Variants in GSG1L observed in about 807,000 individuals in gnomAD.
GSG1L encodes germ cell-specific gene 1-like protein.
A neutral mutation model predicts 42.1 loss-of-function variants in GSG1L; 24 were observed. The ratio of observed to expected loss-of-function variants is 0.57; its 90% confidence interval spans 0.41 to 0.80. GSG1L has a LOEUF of 0.80. Ranked by LOEUF, GSG1L falls within the 30% of genes least tolerant of loss-of-function variation. GSG1L has a pLI of 0.00. For missense variants in GSG1L, 445 were observed against 472.2 expected (o/e 0.94, Z 0.53); for synonymous variants, 215 against 203.5 (o/e 1.06, Z -0.48).
chr16:28,012,169 C>T (rs1395239036), intron 1 of GSG1L, among the ~76,000 whole-genome samples: 7 of 152,178 alleles, frequency 4.6e-5, no homozygotes, highest in African/African-American at 1.7e-4. Context: ...GTTTCTGAGC[C>T]CCCAAGGTCA....
chr16:27,851,077 A>C (rs1353026159), intron 3 of GSG1L, among the ~76,000 whole-genome samples: 1 of 152,232 alleles, frequency 6.6e-6, no homozygotes, highest in Non-Finnish European at 1.5e-5. Flanking sequence ...CAAGGTCCAG[A>C]GACGGCCAGA....
chr16:27,911,266 GCT>G (rs71648556), intron 2 of GSG1L, among the ~76,000 whole-genome samples: 6,830 of 122,082 alleles, frequency 0.056, 339 homozygotes, highest in East Asian at 0.18. Context: ...CCTCTCTCTC[GCT>G]CTCTCTCTCT....
intron 2 of GSG1L, among the ~76,000 whole-genome samples, chr16:27,934,739 T>G (rs546428731): frequency 6.6e-6 from 1 of 152,132 alleles, no homozygotes; most frequent in Non-Finnish European, 1.5e-5. Flanking sequence ...GGGTGTCACA[T>G]GCTTAGCCTC....
At chr16:27,971,346 A>G (rs1197884647) in intron 1 of GSG1L, among the ~76,000 whole-genome samples, 1 of 152,194 alleles carries the variant, frequency 6.6e-6, no homozygotes, top group Admixed American at 6.5e-5. Context: ...TAGTTTTCAG[A>G]ATATAGGTTT....
intron 3 of GSG1L, among the ~76,000 whole-genome samples, chr16:27,869,516 CA>C (rs2083776406): frequency 7.5e-6 from 1 of 133,668 alleles, no homozygotes; most frequent in African/African-American, 2.9e-5. Context: ...TCTCTGTCTC[CA>C]TCCATCTCTC....
chr16:27,975,835 G>C (rs1175446558), intron 1 of GSG1L, among the ~76,000 whole-genome samples: 6 of 152,166 alleles, frequency 3.9e-5, no homozygotes, highest in Non-Finnish European at 8.8e-5. Context: ...TGCCAGTCCT[G>C]GTTTTAGGTG....
At chr16:27,939,975 C>G (rs1329078949) in intron 2 of GSG1L, among the ~76,000 whole-genome samples, 1 of 152,196 alleles carries the variant, frequency 6.6e-6, no homozygotes, top group Non-Finnish European at 1.5e-5. Context: ...GCCATCGTGC[C>G]TGGCTGGGAA....
In GSG1L at chr16:27,884,756, T is replaced by G. The variant is rs1182629959; in HGVS notation, c.398-118A>C. The G allele has an allele frequency of 3.9e-6, 4 of 1,032,898 alleles. No individual in the cohort carries two copies. Among genetic ancestry groups the G allele is most frequent in the Non-Finnish European group, 5.5e-6 (4 of 730,912 alleles). 64.0% of individuals were successfully genotyped at this position (1,032,898 alleles called of 1,614,324 possible). A position where few individuals can be genotyped will look rare whatever the true frequency, so the allele number is the denominator to read the frequency against. Reference sequence around the variant, plus strand: ...AAGTCATTCTAGAATAGAACCTGGTTCTGGGGGAGGTCCTGATGGAAGCCT... The same window carrying G: ...AAGTCATTCTAGAATAGAACCTGGTGCTGGGGGAGGTCCTGATGGAAGCCT... On this transcript the variant is annotated intron_variant, in intron 2 of 6. Transcript: ENST00000447459. The surrounding 1 kb of genome is among the most constrained non-coding windows in gnomAD (Gnocchi z 4.4).
At chr16:27,851,845 CA>C (rs1484927518) in intron 3 of GSG1L, among the ~76,000 whole-genome samples, 4 of 152,186 alleles carry the variant, frequency 2.6e-5, no homozygotes, top group Non-Finnish European at 4.4e-5. Flanking sequence ...ATCTTTTGCT[CA>C]ATCACTGGGG....
chr16:27,917,828 G>A (rs200803390), intron 2 of GSG1L, among the ~76,000 whole-genome samples: 3 of 152,102 alleles, frequency 2.0e-5, no homozygotes, highest in East Asian at 1.9e-4. Context: ...ACAGCTAGAC[G>A]GAGGACTCGG....
At chr16:27,909,791 G>C (rs1222617971) in intron 2 of GSG1L, among the ~76,000 whole-genome samples, 1 of 151,714 alleles carries the variant, frequency 6.6e-6, no homozygotes, top group African/African-American at 2.4e-5. Context: ...ACATGCGTGA[G>C]CCACCATGCC....
At chr16:27,987,015 G>A (rs985741353) in intron 1 of GSG1L, among the ~76,000 whole-genome samples, 1 of 152,144 alleles carries the variant, frequency 6.6e-6, no homozygotes, top group Non-Finnish European at 1.5e-5. Context: ...TCAGGAGTTC[G>A]AGACCCACCT....
chr16:28,041,901 C>T (rs1313142481), intron 1 of GSG1L, among the ~76,000 whole-genome samples: 4 of 152,214 alleles, frequency 2.6e-5, no homozygotes, highest in African/African-American at 9.7e-5. Context: ...CTGAGAGAAT[C>T]GCTCCAGGAT....
intron 5 of GSG1L, among the ~76,000 whole-genome samples, chr16:27,822,453 G>A (rs1247486921): frequency 6.6e-6 from 1 of 152,030 alleles, no homozygotes; most frequent in East Asian, 1.9e-4. Context: ...TTCTTGTTCC[G>A]TAGCCCAGGT....
At chr16:27,807,629 G>GA in intron 5 of GSG1L, 75 bp from the exon 6 acceptor site, 1 of 1,248,296 alleles carries the variant, frequency 8.0e-7, no homozygotes. Context: ...CCCAAAACCT[G>GA]AAAAAGTGCA....
chr16:27,940,010 A>G (rs1270397880), intron 2 of GSG1L, among the ~76,000 whole-genome samples: 1 of 152,220 alleles, frequency 6.6e-6, no homozygotes, highest in Non-Finnish European at 1.5e-5. Flanking sequence ...GGCCAGAGAA[A>G]AAAACAAACA....
intron 2 of GSG1L, among the ~76,000 whole-genome samples, chr16:27,916,007 G>A (rs1308014709): frequency 1.3e-5 from 2 of 152,104 alleles, no homozygotes; most frequent in African/African-American, 2.4e-5. Context: ...CTGCCATGAC[G>A]GGCCACTAAA....
intron 3 of GSG1L, among the ~76,000 whole-genome samples, chr16:27,854,910 C>T (rs1383007044): frequency 6.6e-6 from 1 of 152,134 alleles, no homozygotes; most frequent in Non-Finnish European, 1.5e-5. Flanking sequence ...TGGATGTACA[C>T]ACCCCTAAGT....
At chr16:27,979,360 G>A (rs1006178263) in intron 1 of GSG1L, among the ~76,000 whole-genome samples, 1 of 151,840 alleles carries the variant, frequency 6.6e-6, no homozygotes, top group African/African-American at 2.4e-5. Flanking sequence ...GAGGTCAGGA[G>A]TTTGAGACCA....
Sources: gnomAD v4.1 joint callset for allele counts (sites outside exome capture counted in the v4.1 genomes callset) on GRCh38, gnomAD v4.1.1 for gene constraint, Gnocchi (gnomAD v3.1) non-coding constraint, MANE v1.5 for transcripts, NCBI Gene and HGNC (gene_info 2026-07-23, HGNC 2026-07-21) for gene names.